Variants in ADAM28 observed in about 807,000 individuals in gnomAD.
ADAM28 encodes the protein disintegrin and metalloproteinase domain-containing protein 28.
Under a neutral mutation model 101.2 loss-of-function variants are expected in ADAM28, and 105 were observed. The ratio of observed to expected loss-of-function variants is 1.04; its 90% confidence interval spans 0.89 to 1.22. ADAM28 has a LOEUF of 1.22. Ranked by LOEUF, ADAM28 falls within the 50% of genes most tolerant of loss-of-function variation. The pLI is 0.00. For missense variants in ADAM28, 1,028 were observed against 945.4 expected, an observed-to-expected ratio of 1.09 and a Z score of -1.15; for synonymous variants, 322 against 310.6, an observed-to-expected ratio of 1.04 and a Z score of -0.39.
At chr8:24,331,118 A>G in intron 11 of ADAM28, 32 bp from the exon 12 acceptor site, 1 of 1,583,004 alleles carries the variant, frequency 6.3e-7, no homozygotes, top group Non-Finnish European at 8.6e-7. Flanking sequence ...AAGCATGACT[A>G]TATTCCAGTT....
intron 13 of ADAM28, among the ~76,000 whole-genome samples, chr8:24,333,721 C>T (rs899870043): frequency 6.6e-6 from 1 of 152,034 alleles, no homozygotes; most frequent in Non-Finnish European, 1.5e-5. Context: ...GGGGTATCCC[C>T]ATCTTCAATC....
chr8:24,352,747 C>T lies in ADAM28; in HGVS notation c.2244+695C>T, dbSNP rs1313891120. ...AATCAAACTCATATTTTACAATATTCTCATGGGTGGGGTCATGGCTTCTCC... is the reference window on the plus strand; with the variant it reads ...AATCAAACTCATATTTTACAATATTTTCATGGGTGGGGTCATGGCTTCTCC... On this transcript the variant is annotated intron_variant, in intron 21 of 22. Coordinates refer to ENST00000265769, the MANE Select transcript of ADAM28 (RefSeq NM_014265.6). Among the ~76,000 whole-genome samples, 4 of 152,274 alleles carry T rather than the reference C, an allele frequency of 2.6e-5. No homozygotes were observed. The Middle Eastern group carries it at 0.014, about 518-fold the overall frequency.
At chr8:24,313,265 T>G in intron 5 of ADAM28, 123 bp from the exon 6 acceptor site, 3 of 842,104 alleles carry the variant, frequency 3.6e-6, no homozygotes, top group Non-Finnish European at 5.3e-6. Context: ...TTTATTGCCA[T>G]GAGCTTAAAT....
intron 14 of ADAM28, among the ~76,000 whole-genome samples, chr8:24,336,880 T>C (rs1814160268): frequency 6.6e-6 from 1 of 152,186 alleles, no homozygotes; most frequent in African/African-American, 2.4e-5. Flanking sequence ...CCTAATAGTT[T>C]CAGACTCCTA....
intron 10 of ADAM28, among the ~76,000 whole-genome samples, chr8:24,327,042 C>T (rs1450238067): frequency 6.6e-6 from 1 of 151,940 alleles, no homozygotes; most frequent in South Asian, 2.1e-4. Context: ...GAAGTTCTGG[C>T]CAGGGCAATC....
chr8:24,335,751 T>C (rs4872222), intron 14 of ADAM28, 110 bp downstream of exon 14: 1,269,293 of 1,271,292 alleles, frequency 1, 633,668 homozygotes, highest in East Asian at 1. Flanking sequence ...TTAGAAGCTT[T>C]GAACTCAAAA....
At chr8:24,326,286 C>G (rs1338513326) in intron 9 of ADAM28, among the ~76,000 whole-genome samples, 2 of 151,844 alleles carry the variant, frequency 1.3e-5, no homozygotes, top group Non-Finnish European at 2.9e-5. Flanking sequence ...TTTTTCTTCA[C>G]AAGGGATACA....
At chr8:24,342,771 G>A (rs1016363636) in intron 16 of ADAM28, among the ~76,000 whole-genome samples, 18 of 152,170 alleles carry the variant, frequency 1.2e-4, no homozygotes, top group Non-Finnish European at 1.5e-5. Flanking sequence ...GACTAGGGCA[G>A]AATTGAGATG....
At chr8:24,312,706 C>T (rs370636570) in intron 5 of ADAM28, among the ~76,000 whole-genome samples, 1 of 151,848 alleles carries the variant, frequency 6.6e-6, no homozygotes, top group East Asian at 1.9e-4. Context: ...CTCATTTGAA[C>T]ATAAGCTCCA....
chr8:24,313,668 C>G (rs933263192), intron 6 of ADAM28, 88 bp downstream of exon 6: 1 of 1,374,340 alleles, frequency 7.3e-7, no homozygotes, highest in Non-Finnish European at 1.0e-6. Context: ...AAACTATAGT[C>G]ATTGTCAAAA....
At chr8:24,353,555 T>A (rs1255501121) in intron 21 of ADAM28, among the ~76,000 whole-genome samples, 1 of 152,106 alleles carries the variant, frequency 6.6e-6, no homozygotes, top group African/African-American at 2.4e-5. Flanking sequence ...AGGAAAAATA[T>A]GGTGAGGAGA....
chr8:24,329,936 T>A, intron 10 of ADAM28, 49 bp from the exon 11 acceptor site: 1 of 1,581,206 alleles, frequency 6.3e-7, no homozygotes, highest in Non-Finnish European at 8.6e-7. Context: ...GAGTGATGTA[T>A]AATTTCATTC....
intron 2 of ADAM28, among the ~76,000 whole-genome samples, chr8:24,302,468 G>C (rs1224787368): frequency 6.6e-6 from 1 of 152,204 alleles, no homozygotes; most frequent in African/African-American, 2.4e-5. Context: ...TAATGGGATT[G>C]CTGGGTTAAA....
At position 24,320,301 on chromosome 8, in the gene ADAM28, T is replaced by C. The variant is rs1291154626; in HGVS notation, c.642T>C (p.Asn214=). The change falls in exon 7 of 23, where the codon AAT becomes AAC. Residue 214 remains asparagine, a synonymous_variant. Transcript: ENST00000265769. ...TAGAATATTATTTGGTCCTGGATAA[T>C]GGTGAGGTAATTATATGAGATAAAT... ...KYIEYYLVLD[N]GEFKRYNENQ... 2 of 1,596,286 alleles carry C rather than the reference T, an allele frequency of 1.3e-6. No individual in the cohort carries two copies. Among genetic ancestry groups the C allele is most frequent in the Non-Finnish European group, 1.7e-6 (2 of 1,166,878 alleles).
At chr8:24,344,768 C>T (rs1815208460) in intron 18 of ADAM28, among the ~76,000 whole-genome samples, 1 of 152,040 alleles carries the variant, frequency 6.6e-6, no homozygotes, top group South Asian at 2.1e-4. Context: ...TAAACTATGA[C>T]TTTCTTGACT....
intron 18 of ADAM28, among the ~76,000 whole-genome samples, chr8:24,344,617 T>A (rs1815190527): frequency 6.6e-6 from 1 of 152,204 alleles, no homozygotes; most frequent in African/African-American, 2.4e-5. Flanking sequence ...TCTGAAGATT[T>A]TTAAAATTAT....
rs2129308253 is a variant in ADAM28 at position 24,331,243 on chromosome 8, A to G, written c.1197A>G (p.Pro399=). The G allele has an allele frequency of 6.2e-7, 1 of 1,613,364 alleles. No individual in the cohort carries two copies. The highest frequency in any genetic ancestry group is 8.5e-7 in the Non-Finnish European group (1 of 1,179,614). ...TATCAAATTGCCTCTTTAATGCTCC[A>G]TTGCCTACAGATATCATATCCACTC... is the stretch of plus-strand genomic sequence containing the variant. ...DKLSNCLFNA[P]LPTDIISTPI... Residue 399 remains proline, a synonymous_variant, in exon 12 of 23, where the codon CCA becomes CCG. Coordinates refer to ENST00000265769, the MANE Select transcript of ADAM28 (RefSeq NM_014265.6).
chr8:24,319,541 T>A (rs1369616732), intron 6 of ADAM28, among the ~76,000 whole-genome samples: 1 of 152,024 alleles, frequency 6.6e-6, no homozygotes, highest in Non-Finnish European at 1.5e-5. Flanking sequence ...AGGAGTTTCT[T>A]CTTTGTAATC....
chr8:24,325,870 G>GAAAA, intron 9 of ADAM28, among the ~76,000 whole-genome samples: 1 of 1,800 alleles, frequency 5.6e-4, no homozygotes, highest in Non-Finnish European at 9.7e-4. Flanking sequence ...TGTACAGATA[G>GAAAA]CAAAAAAAAA....
Sources: gnomAD v4.1 joint callset for allele counts (sites outside exome capture counted in the v4.1 genomes callset) on GRCh38, gnomAD v4.1.1 for gene constraint, MANE v1.5 for transcripts, NCBI Gene and HGNC (gene_info 2026-07-23, HGNC 2026-07-21) for gene names.